ZMYM5: variants seen among roughly 807,000 people sequenced by gnomAD.
ZMYM5 encodes the protein zinc finger MYM-type protein 5.
In ZMYM5, 41 loss-of-function variants were observed where a neutral mutation model predicts 61.8. That is an observed-to-expected ratio of 0.66 (90% CI 0.52 to 0.86). The LOEUF is 0.86. ZMYM5 is among the 40% of genes least tolerant of loss of function. ZMYM5 has a pLI of 0.00. For missense variants in ZMYM5, 706 were observed against 786.7 expected, an observed-to-expected ratio of 0.90 and a Z score of 1.23; for synonymous variants, 257 against 276.4, an observed-to-expected ratio of 0.93 and a Z score of 0.70.
At chr13:19,855,911 G>T (rs1953486849) in intron 2 of ZMYM5, among the ~76,000 whole-genome samples, 1 of 151,882 alleles carries the variant, frequency 6.6e-6, no homozygotes, top group South Asian at 2.1e-4. Flanking sequence ...AGCTACTCGG[G>T]AGGCTGAGGC....
At chr13:19,837,880 T>C in intron 5 of ZMYM5, 59 bp from the exon 6 acceptor site, 3 of 1,505,020 alleles carry the variant, frequency 2.0e-6, no homozygotes, top group Non-Finnish European at 2.7e-6. Context: ...ACAAGTCAAA[T>C]ATATTAATAA....
chr13:19,832,978 C>CCCAT (rs1952572438), intron 7 of ZMYM5, among the ~76,000 whole-genome samples: 1 of 148,796 alleles, frequency 6.7e-6, no homozygotes, highest in Non-Finnish European at 1.5e-5. Flanking sequence ...GTGCCATCCT[C>CCCAT]CCATCTTGGC....
chr13:19,862,385 AAAAAAC>A lies in ZMYM5; in HGVS notation c.-11+8_-11+13del, dbSNP rs1457366942. 1.7e-4 allele frequency: 26 copies of A among 152,178 alleles called. No individual in the cohort carries two copies. The highest frequency in any genetic ancestry group is 6.0e-4 in the African/African-American group (25 of 41,414). 9.4% of individuals were successfully genotyped at this position (152,178 alleles called of 1,614,324 possible). A position where few individuals can be genotyped will look rare whatever the true frequency, so the allele number is the denominator to read the frequency against. ...TAGACAGCAAAGCGGGGTAAAAAAA[AAAAAAC>A]AACTCACAATGGAGATATTTCCTTC... On this transcript the variant is annotated splice_region_variant and intron_variant, in intron 2 of 7. Coordinates refer to ENST00000337963, the MANE Select transcript of ZMYM5 (RefSeq NM_001142684.2).
intron 4 of ZMYM5, among the ~76,000 whole-genome samples, chr13:19,850,840 A>C (rs1953261870): frequency 6.6e-6 from 1 of 152,210 alleles, no homozygotes; most frequent in Non-Finnish European, 1.5e-5. Context: ...TACTGGATAA[A>C]ATAGATTAAA....
chr13:19,846,315 G>T (rs1027762512), intron 4 of ZMYM5, among the ~76,000 whole-genome samples: 1 of 152,062 alleles, frequency 6.6e-6, no homozygotes, highest in African/African-American at 2.4e-5. Flanking sequence ...TTGCACAGTT[G>T]CTGGACTATA....
chr13:19,858,278 C>T (rs1052519653), intron 2 of ZMYM5, among the ~76,000 whole-genome samples: 5 of 151,686 alleles, frequency 3.3e-5, no homozygotes, highest in African/African-American at 1.2e-4. Context: ...ATCACTAGCC[C>T]AGCAGGGATT....
At chr13:19,832,233 G>A (rs996468821) in intron 7 of ZMYM5, among the ~76,000 whole-genome samples, 2 of 151,952 alleles carry the variant, frequency 1.3e-5, no homozygotes, top group Non-Finnish European at 2.9e-5. Flanking sequence ...TAATTCTTAC[G>A]CTTTTTGGAG....
At chr13:19,830,926 G>A (rs1247399637) in intron 7 of ZMYM5, among the ~76,000 whole-genome samples, 5 of 142,882 alleles carry the variant, frequency 3.5e-5, no homozygotes, top group East Asian at 2.1e-4. Flanking sequence ...TGCAAGCTCC[G>A]CCTCCCAAGT....
chr13:19,837,519 T>C, intron 6 of ZMYM5, 137 bp downstream of exon 6: 2 of 1,602,428 alleles, frequency 1.2e-6, no homozygotes, highest in Non-Finnish European at 8.5e-7. Context: ...TTCTAACATA[T>C]CCTTATTCTT....
intron 4 of ZMYM5, among the ~76,000 whole-genome samples, chr13:19,848,522 C>G (rs895252718): frequency 1.3e-5 from 2 of 149,838 alleles, no homozygotes; most frequent in Non-Finnish European, 3.0e-5. Context: ...GCTCAGGTGA[C>G]CCTCCCACCT....
chr13:19,854,627 C>CAAAA (rs58132634), intron 2 of ZMYM5, among the ~76,000 whole-genome samples: 2 of 123,864 alleles, frequency 1.6e-5, no homozygotes, highest in Non-Finnish European at 1.6e-5. Flanking sequence ...GACTTCGTCT[C>CAAAA]AAAAAAAAAA....
intron 6 of ZMYM5, chr13:19,837,382 T>G: frequency 7.1e-7 from 1 of 1,399,668 alleles, no homozygotes; most frequent in Non-Finnish European, 9.3e-7. Flanking sequence ...TTTAATGTCA[T>G]CAGTAATAAC....
intron 2 of ZMYM5, among the ~76,000 whole-genome samples, chr13:19,856,829 G>A (rs540422545): frequency 3.6e-4 from 54 of 151,490 alleles, no homozygotes; most frequent in Admixed American, 2.6e-3. Flanking sequence ...CAAAAAGGCC[G>A]GGCGCAGTGG....
chr13:19,855,341 C>T (rs759118729), intron 2 of ZMYM5, among the ~76,000 whole-genome samples: 2 of 151,974 alleles, frequency 1.3e-5, no homozygotes, highest in South Asian at 2.1e-4. Flanking sequence ...AGGCTTACTG[C>T]AAGCTCCGCC....
At chr13:19,856,877 C>T (rs189828110) in intron 2 of ZMYM5, among the ~76,000 whole-genome samples, 2,520 of 152,104 alleles carry the variant, frequency 0.017, 70 homozygotes, top group African/African-American at 0.057. Flanking sequence ...GAGGCAGAGG[C>T]GGGCAGATCA....
At chr13:19,857,060 C>T (rs1953542084) in intron 2 of ZMYM5, among the ~76,000 whole-genome samples, 1 of 152,162 alleles carries the variant, frequency 6.6e-6, no homozygotes, top group Admixed American at 6.6e-5. Flanking sequence ...GAGCCGAGAT[C>T]CCGCCACTGC....
chr13:19,845,879 G>A (rs1392236063), intron 4 of ZMYM5, among the ~76,000 whole-genome samples: 1 of 152,058 alleles, frequency 6.6e-6, no homozygotes, highest in Admixed American at 6.6e-5. Context: ...TTTTATTTGG[G>A]TTTCATTACG....
At chr13:19,830,003 G>A (rs930993642) in intron 7 of ZMYM5, among the ~76,000 whole-genome samples, 5 of 152,088 alleles carry the variant, frequency 3.3e-5, no homozygotes, top group African/African-American at 1.2e-4. Flanking sequence ...TGTGAGAACT[G>A]TGCTGTGCAC....
intron 7 of ZMYM5, among the ~76,000 whole-genome samples, chr13:19,825,626 G>C (rs183649293): frequency 1.7e-4 from 26 of 150,028 alleles, no homozygotes; most frequent in African/African-American, 6.4e-4. Flanking sequence ...CAGTCTGGGC[G>C]AAAGAGTGAG....
Sources: allele counts gnomAD v4.1 joint callset (sites outside exome capture counted in the v4.1 genomes callset), GRCh38; gene constraint gnomAD v4.1.1; transcripts MANE v1.5; gene names NCBI Gene and HGNC (gene_info 2026-07-23, HGNC 2026-07-21).